The following ILF2 variants were observed in gnomAD, a reference collection of about 807,000 sequenced individuals.
The protein encoded by ILF2 is interleukin enhancer binding factor 2.
Under a neutral mutation model 55.3 loss-of-function variants are expected in ILF2, and 9 were observed. The observed-to-expected ratio is 0.16, with a 90% CI of 0.10 to 0.28. The LOEUF (loss-of-function observed/expected upper bound fraction) is 0.28, where lower values mean the gene tolerates loss of function less well. Among genes scored for constraint, ILF2 ranks in the 10% least tolerant of loss-of-function variants. ILF2 has a pLI of 1.00. For synonymous variants in ILF2, 151 were observed against 161.8 expected (o/e 0.93, Z 0.50); for missense variants, 266 against 474.9 (o/e 0.56, Z 4.09).
rs769748774 is a variant in ILF2 at position 153,668,580 on chromosome 1, C to T, written c.109-23G>A. 4 of 1,598,588 alleles carry T rather than the reference C, an allele frequency of 2.5e-6. No homozygotes were observed. The South Asian group carries it at 3.4e-5, about 13-fold the overall frequency. On this transcript the variant is annotated intron_variant, in intron 3 of 13. Coordinates refer to ENST00000361891, the MANE Select transcript of ILF2 (RefSeq NM_004515.4). The stretch of plus-strand genomic sequence containing the variant: ...ACACTAAACCAGAAGTAAACAACTA[C>T]ATTCTATTTGCCGAAGATAATATAC...
At chr1:153,666,132 T>G (rs1669298986) in intron 6 of ILF2, among the ~76,000 whole-genome samples, 1 of 152,144 alleles carries the variant, frequency 6.6e-6, no homozygotes, top group Non-Finnish European at 1.5e-5. Flanking sequence ...CACTGCAGCC[T>G]CAGCCTCCCG....
chr1:153,662,050 C>CT lies in ILF2; in HGVS notation c.*345dup, dbSNP rs1408085212. On this transcript the variant is annotated 3_prime_UTR_variant, in exon 14 of 14. Transcript: ENST00000361891. ...AGACCAAGAGCCCTACTAGGAAGTA[C>CT]TTTAATAGTTTTTCTTAGAAAAAAA... 2.6e-5 allele frequency: 5 copies of CT among 188,986 alleles called. No individual in the cohort carries two copies. The highest frequency in any genetic ancestry group is 5.5e-5 in the Admixed American group (1 of 18,232). The allele number at this position is 188,986 out of a possible 1,614,324, so 11.7% of individuals were successfully genotyped here. A position where few individuals can be genotyped will look rare whatever the true frequency, so the allele number is the denominator to read the frequency against.
intron 6 of ILF2, chr1:153,667,284 C>T (rs1669335410): frequency 3.9e-6 from 2 of 512,416 alleles, no homozygotes; most frequent in South Asian, 3.1e-5. Flanking sequence ...TTGAGACCAG[C>T]CCGAGCAACA....
chr1:153,662,867 CAG>C (rs755724099), intron 12 of ILF2, 72 bp from the exon 13 acceptor site: 190 of 1,408,674 alleles, frequency 1.3e-4, no homozygotes, highest in Non-Finnish European at 1.7e-4. Context: ...CTTCTGAAAA[CAG>C]AGATTAAGAC....
intron 5 of ILF2, 63 bp from the exon 6 acceptor site, chr1:153,667,720 C>G: frequency 8.8e-7 from 1 of 1,139,756 alleles, no homozygotes; most frequent in Non-Finnish European, 1.3e-6. Flanking sequence ...TAGGTCCTCC[C>G]AGAACTGTTA....
intron 6 of ILF2, 72 bp downstream of exon 6, chr1:153,667,483 C>CA (rs922917485): frequency 2.7e-6 from 3 of 1,115,006 alleles, no homozygotes; most frequent in Non-Finnish European, 4.1e-6. Flanking sequence ...TGTCTCAAAA[C>CA]AAAAAAAGAT....
chr1:153,665,918 G>C (rs559742887), intron 6 of ILF2, among the ~76,000 whole-genome samples, 190 bp from the exon 7 acceptor site: 1 of 152,250 alleles, frequency 6.6e-6, no homozygotes, highest in Admixed American at 6.5e-5. Context: ...CAGGGAACAG[G>C]ACCCCTCCTG....
chr1:153,668,392 T>G, intron 4 of ILF2, 61 bp downstream of exon 4: 1 of 1,594,166 alleles, frequency 6.3e-7, no homozygotes, highest in Non-Finnish European at 8.6e-7. Flanking sequence ...CAACAGTTAC[T>G]CTTTACCAAT....
rs1395656594 is a variant in ILF2 at position 153,665,747 on chromosome 1, C to T, written c.395-19G>A. On this transcript the variant is annotated intron_variant, in intron 6 of 13. Coordinates refer to ENST00000361891, the MANE Select transcript of ILF2 (RefSeq NM_004515.4). Reference sequence around the variant, plus strand: ...GCTTCCACTAATTGACAGAAAATGACATAATGTTATAATAATTTATTTGCC... The same window carrying T: ...GCTTCCACTAATTGACAGAAAATGATATAATGTTATAATAATTTATTTGCC... 6.3e-7 allele frequency: 1 copy of T among 1,586,972 alleles called. No homozygotes were observed. The highest frequency in any genetic ancestry group is 2.2e-5 in the East Asian group (1 of 44,712).
rs59663511 is a variant in ILF2 at position 153,663,325 on chromosome 1, A to G, written c.745-49T>C. 5.0e-4 allele frequency: 768 copies of G among 1,537,044 alleles called. 4 individuals are homozygous for G. In the African/African-American group the frequency reaches 9.6e-3, roughly 19 times the overall value. ...GTGTGCCATCAAAATGGCACTTCTG[A>G]TAACTAGAACTTTATTTTTTAGAGA... On this transcript the variant is annotated intron_variant, in intron 10 of 13. Transcript: ENST00000361891.
At chr1:153,665,112 C>A (rs1391012801) in intron 8 of ILF2, 108 bp downstream of exon 8, 1 of 714,686 alleles carries the variant, frequency 1.4e-6, no homozygotes, top group Non-Finnish European at 2.5e-6. Flanking sequence ...TCTTCAATTC[C>A]CAGGAAGCTG....
At position 153,662,296 on chromosome 1, in the gene ILF2, T is replaced by A. The variant is rs1420633765; in HGVS notation, c.*100A>T. 2.0e-6 allele frequency: 3 copies of A among 1,467,700 alleles called. No homozygotes were observed. Among genetic ancestry groups the A allele is most frequent in the Non-Finnish European group, 1.9e-6 (2 of 1,074,604 alleles). The allele number at this position is 1,467,700 out of a possible 1,614,324, so 90.9% of individuals were successfully genotyped here. A position where few individuals can be genotyped will look rare whatever the true frequency, so the allele number is the denominator to read the frequency against. On this transcript the variant is annotated 3_prime_UTR_variant, in exon 14 of 14. Transcript: ENST00000361891. ...GAGTTTACTTTTCTTCCTGCTATCT[T>A]CCCTATCCCACGGAAATGTCTGTCA...
chr1:153,670,308 C>T, intron 1 of ILF2, 78 bp from the exon 2 acceptor site: 3 of 1,415,096 alleles, frequency 2.1e-6, no homozygotes, highest in Admixed American at 1.7e-5. Flanking sequence ...CTACTTTCAT[C>T]CCTCGGAACC....
At chr1:153,663,326 T>G (rs1306449160) in intron 10 of ILF2, 50 bp from the exon 11 acceptor site, 1 of 1,519,632 alleles carries the variant, frequency 6.6e-7, no homozygotes, top group Non-Finnish European at 9.1e-7. Flanking sequence ...GCACTTCTGA[T>G]AACTAGAACT....
At chr1:153,668,131 C>A in intron 4 of ILF2, 54 bp from the exon 5 acceptor site, 2 of 1,348,738 alleles carry the variant, frequency 1.5e-6, no homozygotes, top group African/African-American at 1.5e-5. Context: ...AGCAATTTCT[C>A]AGAATTTGAA....
chr1:153,666,800 C>T (rs533162980), intron 6 of ILF2, among the ~76,000 whole-genome samples: 1 of 152,364 alleles, frequency 6.6e-6, no homozygotes, highest in East Asian at 1.9e-4. Context: ...ACACACACTC[C>T]AGCGTTTGTC....
rs1388002134 is a variant in ILF2 at position 153,668,899 on chromosome 1, A to G, written c.109-342T>C. Among the ~76,000 whole-genome samples, 3 of 150,994 alleles carry G rather than the reference A, an allele frequency of 2.0e-5. No homozygotes were observed. In the East Asian group the frequency reaches 5.8e-4, roughly 29 times the overall value. ...GGCAACAGAGTGAGACCCTGCCTCA[A>G]AAAAAAAAATTTATTCAAAGGCCAG... On this transcript the variant is annotated intron_variant, in intron 3 of 13. Transcript: ENST00000361891.
chr1:153,667,532 T>A (rs756892630), intron 6 of ILF2, 23 bp downstream of exon 6: 21 of 1,482,270 alleles, frequency 1.4e-5, no homozygotes, highest in African/African-American at 8.3e-5. Context: ...TCTGTTCCCA[T>A]GACCAGAAAC....
intron 8 of ILF2, among the ~76,000 whole-genome samples, chr1:153,664,685 G>A (rs1208721201): frequency 3.3e-5 from 5 of 152,130 alleles, no homozygotes; most frequent in Non-Finnish European, 7.3e-5. Flanking sequence ...TCAGCCTCCT[G>A]AGTAGCTGGG....
Sources: gnomAD v4.1 joint callset for allele counts (sites outside exome capture counted in the v4.1 genomes callset) on GRCh38, gnomAD v4.1.1 for gene constraint, MANE v1.5 for transcripts, NCBI Gene and HGNC (gene_info 2026-07-23, HGNC 2026-07-21) for gene names.